Variants in ASIC2 observed in about 807,000 individuals in gnomAD.
The protein encoded by ASIC2 is acid-sensing ion channel 2.
Under a neutral mutation model 57.3 loss-of-function variants are expected in ASIC2, and 25 were observed. The ratio of observed to expected loss-of-function variants is 0.44; its 90% CI spans 0.32 to 0.61. The LOEUF (loss-of-function observed/expected upper bound fraction) is 0.61. ASIC2 is among the 20% of genes least tolerant of loss of function. The probability of loss-of-function intolerance (pLI) is 0.06; values close to 1 mark genes in which losing one functional copy is unlikely to be tolerated. For synonymous variants in ASIC2, 319 were observed against 307.5 expected (o/e 1.04, Z -0.39); for missense variants, 641 against 738.1 (o/e 0.87, Z 1.52).
At chr17:33,709,316 A>G (rs544160630) in intron 1 of ASIC2, among the ~76,000 whole-genome samples, 2 of 152,368 alleles carry the variant, frequency 1.3e-5, no homozygotes, top group African/African-American at 4.8e-5. Context: ...GAATCCCCAG[A>G]AACTGTGAAT....
chr17:33,175,160 A>T (rs888783510), intron 1 of ASIC2, among the ~76,000 whole-genome samples: 1 of 152,236 alleles, frequency 6.6e-6, no homozygotes, highest in Non-Finnish European at 1.5e-5. Flanking sequence ...TAAAATATCA[A>T]CATTTCTTCT....
chr17:33,710,959 T>C (rs1181997637), intron 1 of ASIC2, among the ~76,000 whole-genome samples: 2 of 149,510 alleles, frequency 1.3e-5, no homozygotes, highest in Admixed American at 6.6e-5. Context: ...TAATTTTAAT[T>C]TTTTTGAGAC....
chr17:33,627,910 G>A (rs547359078), intron 1 of ASIC2, among the ~76,000 whole-genome samples: 1 of 152,092 alleles, frequency 6.6e-6, no homozygotes, highest in African/African-American at 2.4e-5. Flanking sequence ...GGCATCTGTA[G>A]TCCCAGCTAC....
intron 1 of ASIC2, among the ~76,000 whole-genome samples, chr17:33,844,612 G>A (rs1913528906): frequency 6.6e-6 from 1 of 152,204 alleles, no homozygotes; most frequent in Non-Finnish European, 1.5e-5. Context: ...ATCTGGGAAT[G>A]GAGAGTAACC....
At chr17:33,637,306 G>A (rs751772867) in intron 1 of ASIC2, among the ~76,000 whole-genome samples, 17 of 152,032 alleles carry the variant, frequency 1.1e-4, no homozygotes, top group African/African-American at 3.1e-4. Context: ...AGAGCAGCTC[G>A]GCTCCTAGAT....
intron 1 of ASIC2, among the ~76,000 whole-genome samples, chr17:33,288,491 G>C (rs1199077375): frequency 1.3e-5 from 2 of 152,106 alleles, no homozygotes; most frequent in African/African-American, 2.4e-5. Context: ...GGTCTGAGGA[G>C]CTCAGGTCTT....
chr17:33,385,075 T>C (rs1315441849), intron 1 of ASIC2, among the ~76,000 whole-genome samples: 1 of 152,208 alleles, frequency 6.6e-6, no homozygotes, highest in African/African-American at 2.4e-5. Flanking sequence ...GTCTGTAAAA[T>C]GGGAATGATA....
intron 1 of ASIC2, among the ~76,000 whole-genome samples, chr17:33,445,744 C>A (rs1374389707): frequency 7.1e-6 from 1 of 140,348 alleles, no homozygotes; most frequent in Non-Finnish European, 1.5e-5. Context: ...TTGTGGTGAG[C>A]CAAGATCACA....
intron 1 of ASIC2, among the ~76,000 whole-genome samples, chr17:33,381,698 A>G (rs1909495347): frequency 6.6e-6 from 1 of 152,222 alleles, no homozygotes; most frequent in Non-Finnish European, 1.5e-5. Context: ...GACACAGGGT[A>G]GGTGCTCAAA....
chr17:33,798,941 C>T (rs1037300606), intron 1 of ASIC2, among the ~76,000 whole-genome samples: 3 of 152,142 alleles, frequency 2.0e-5, no homozygotes, highest in Non-Finnish European at 4.4e-5. Context: ...CAAACCACAG[C>T]AATTGGGAGC....
intron 1 of ASIC2, among the ~76,000 whole-genome samples, chr17:33,669,424 ATATC>A (rs1344278818): frequency 6.6e-6 from 1 of 152,254 alleles, no homozygotes; most frequent in Admixed American, 6.5e-5. Flanking sequence ...AAATGTGTGT[ATATC>A]TAACTAGGTA....
chr17:33,145,194 G>A (rs919672557), intron 1 of ASIC2, among the ~76,000 whole-genome samples: 12 of 152,242 alleles, frequency 7.9e-5, no homozygotes, highest in African/African-American at 2.9e-4. Context: ...GAGACTGGCA[G>A]GCCTGGGTGG....
chr17:33,888,692 A>G (rs1360100172), intron 1 of ASIC2, among the ~76,000 whole-genome samples: 2 of 152,146 alleles, frequency 1.3e-5, no homozygotes. Context: ...GTGATAATGT[A>G]GGTGCCCCTG....
intron 1 of ASIC2, among the ~76,000 whole-genome samples, chr17:33,983,006 T>C (rs1905680924): frequency 6.6e-6 from 1 of 152,236 alleles, no homozygotes; most frequent in South Asian, 2.1e-4. Context: ...CACCAAATCT[T>C]TGTTGAATCA....
chr17:33,546,371 G>A (rs1001100286), intron 1 of ASIC2, among the ~76,000 whole-genome samples: 1 of 152,046 alleles, frequency 6.6e-6, no homozygotes, highest in Non-Finnish European at 1.5e-5. Flanking sequence ...ATCTTTTGCT[G>A]TAAAATGGAG....
At chr17:33,493,164 A>G (rs1394581059) in intron 1 of ASIC2, among the ~76,000 whole-genome samples, 1 of 152,180 alleles carries the variant, frequency 6.6e-6, no homozygotes, top group African/African-American at 2.4e-5. Flanking sequence ...AAGGGGAGTT[A>G]TGGTTTCTTC....
chr17:33,571,192 C>G (rs75597668), intron 1 of ASIC2, among the ~76,000 whole-genome samples: 1 of 152,250 alleles, frequency 6.6e-6, no homozygotes, highest in East Asian at 1.9e-4. Context: ...CAGGAGCCCT[C>G]TTTTTACCTC....
intron 1 of ASIC2, among the ~76,000 whole-genome samples, chr17:33,877,284 T>A (rs1914572672): frequency 6.6e-6 from 1 of 152,168 alleles, no homozygotes; most frequent in South Asian, 2.1e-4. Context: ...GGACAGTGGG[T>A]GCAGCACACC....
intron 3 of ASIC2, among the ~76,000 whole-genome samples, chr17:33,055,285 C>A (rs2091993358): frequency 6.6e-6 from 1 of 152,252 alleles, no homozygotes; most frequent in Admixed American, 6.5e-5. Flanking sequence ...TCAGTGCTGG[C>A]CACCCAACTC....
Sources: gnomAD v4.1 joint callset for allele counts (sites outside exome capture counted in the v4.1 genomes callset) on GRCh38, gnomAD v4.1.1 for gene constraint, MANE v1.5 for transcripts, NCBI Gene and HGNC (gene_info 2026-07-23, HGNC 2026-07-21) for gene names.